Variants in ATP6V0D1 observed in about 807,000 individuals in gnomAD.
ATP6V0D1 encodes ATPase H+ transporting V0 subunit d1.
In ATP6V0D1, 13 loss-of-function variants were observed where a neutral mutation model predicts 39.0. The observed-to-expected ratio is 0.33, with a 90% CI of 0.22 to 0.53. ATP6V0D1 has a LOEUF of 0.53. Among genes scored for constraint, ATP6V0D1 ranks in the 20% least tolerant of loss-of-function variants. The pLI is 0.94. For synonymous variants in ATP6V0D1, 191 were observed against 191.2 expected, an observed-to-expected ratio of 1.00 and a Z score of 0.01; for missense variants, 272 against 470.9, an observed-to-expected ratio of 0.58 and a Z score of 3.91.
At chr16:67,442,871 C>T (rs2041069488) in intron 4 of ATP6V0D1, among the ~76,000 whole-genome samples, 1 of 152,190 alleles carries the variant, frequency 6.6e-6, no homozygotes, top group African/African-American at 2.4e-5. Context: ...GCACCAGCCA[C>T]TCCTGCTGAT....
intron 1 of ATP6V0D1, among the ~76,000 whole-genome samples, chr16:67,467,781 C>G (rs1026361642): frequency 2.0e-5 from 3 of 152,204 alleles, no homozygotes; most frequent in Non-Finnish European, 4.4e-5. Context: ...GACTTAGAGA[C>G]AGTCATATCA....
At chr16:67,452,076 G>T (rs2041186749) in intron 2 of ATP6V0D1, among the ~76,000 whole-genome samples, 1 of 152,276 alleles carries the variant, frequency 6.6e-6, no homozygotes, top group Admixed American at 6.5e-5. Context: ...TAAATGTACT[G>T]CTTCCTGGTA....
chr16:67,442,262 C>T (rs965953767), intron 4 of ATP6V0D1, among the ~76,000 whole-genome samples: 6 of 152,364 alleles, frequency 3.9e-5, no homozygotes, highest in African/African-American at 1.4e-4. Context: ...AGAGGACTCT[C>T]ACCCAATAGA....
Position 67,438,433 on chromosome 16 carries a change from G to A in ATP6V0D1, c.*95C>T. ...CCCCGGACAGGCAGGTGAGCCACAG[G>A]CTTGTCACAGACCACATACACACAC... On this transcript the variant is annotated 3_prime_UTR_variant, in exon 8 of 8. Coordinates refer to ENST00000290949, the MANE Select transcript of ATP6V0D1 (RefSeq NM_004691.5). The A allele has an allele frequency of 1.4e-6, 2 of 1,457,730 alleles. No homozygotes were observed. Among genetic ancestry groups the A allele is most frequent in the Non-Finnish European group, 1.9e-6 (2 of 1,076,434 alleles). The allele number at this position is 1,457,730 out of a possible 1,614,324, so 90.3% of individuals were successfully genotyped here. A position where few individuals can be genotyped will look rare whatever the true frequency, so the allele number is the denominator to read the frequency against.
At chr16:67,461,093 T>C (rs924676925) in intron 1 of ATP6V0D1, among the ~76,000 whole-genome samples, 2 of 152,226 alleles carry the variant, frequency 1.3e-5, no homozygotes, top group Non-Finnish European at 2.9e-5. Flanking sequence ...CCATTTCTCC[T>C]GGCAGACACC....
At chr16:67,458,413 G>A (rs1009478649) in intron 1 of ATP6V0D1, among the ~76,000 whole-genome samples, 22 of 152,212 alleles carry the variant, frequency 1.4e-4, no homozygotes, top group African/African-American at 5.3e-4. Flanking sequence ...AAGGACGGCA[G>A]GGGCTCTGGG....
chr16:67,468,534 G>C (rs1482316614), intron 1 of ATP6V0D1, among the ~76,000 whole-genome samples: 1 of 150,834 alleles, frequency 6.6e-6, no homozygotes, highest in African/African-American at 2.4e-5. Context: ...GCTGCGGTGA[G>C]TTGTGTTTGG....
chr16:67,439,267 C>T lies in ATP6V0D1; in HGVS notation c.639+7G>A, dbSNP rs759043388. ...ACCAGCAGGCAGGAGGGCGGGCAGG[C>T]ACTCACCTCCAGGATGGGGCACATG... On this transcript the variant is annotated splice_region_variant and intron_variant, in intron 5 of 7. Transcript: ENST00000290949. 2 of 1,614,012 alleles carry T rather than the reference C, an allele frequency of 1.2e-6. No individual in the cohort carries two copies. The highest frequency in any genetic ancestry group is 3.3e-5 in the Admixed American group (2 of 60,012).
rs536624557 is a variant in ATP6V0D1, at chr16:67,466,326, TACACACACACACAC to T, written c.131-12625_131-12612del. On this transcript the variant is annotated intron_variant, in intron 1 of 7. Transcript: ENST00000290949. ...AGAAACCCTGTATCTAGTAAACACA[TACACACACACACAC>T]ACACACACACACACACACACACACA... is the stretch of plus-strand genomic sequence containing the variant. Among the ~76,000 whole-genome samples the T allele has an allele frequency of 9.7e-3, 1,165 of 120,568 alleles. 9 individuals are homozygous for T. The highest frequency in any genetic ancestry group is 0.036 in the South Asian group (126 of 3,522). 79.1% of individuals were successfully genotyped at this position (120,568 alleles called of 152,430 possible). A position where few individuals can be genotyped will look rare whatever the true frequency, so the allele number is the denominator to read the frequency against.
At chr16:67,445,663 A>T (rs1169604870) in intron 2 of ATP6V0D1, 2 of 295,592 alleles carry the variant, frequency 6.8e-6, no homozygotes, top group Admixed American at 8.2e-5. Context: ...TCTGCCCTGC[A>T]GAAGGCCAGC....
chr16:67,474,891 T>G (rs1254591935), intron 1 of ATP6V0D1, among the ~76,000 whole-genome samples: 1 of 152,226 alleles, frequency 6.6e-6, no homozygotes, highest in Non-Finnish European at 1.5e-5. Flanking sequence ...CACAGTTGCC[T>G]AAGCCAAGAT....
intron 1 of ATP6V0D1, among the ~76,000 whole-genome samples, chr16:67,464,796 G>T (rs914147686): frequency 3.9e-5 from 6 of 152,260 alleles, no homozygotes; most frequent in African/African-American, 1.2e-4. Context: ...GTGGGGCAAG[G>T]TCTGGGCAAG....
At chr16:67,443,355 T>G in intron 3 of ATP6V0D1, 177 bp from the exon 4 acceptor site, 1 of 594,140 alleles carries the variant, frequency 1.7e-6, no homozygotes, top group Non-Finnish European at 3.0e-6. Flanking sequence ...CTGGGCCATG[T>G]ACACTGACCT....
intron 1 of ATP6V0D1, among the ~76,000 whole-genome samples, chr16:67,476,196 T>G (rs2041413151): frequency 6.8e-6 from 1 of 147,640 alleles, no homozygotes; most frequent in African/African-American, 2.6e-5. Context: ...CACTCCAGCC[T>G]GGGCAAGAAA....
rs901128480 is a variant in ATP6V0D1 at position 67,456,200 on chromosome 16, T to C, written c.131-2485A>G. The C allele has an allele frequency of 2.0e-5, 3 of 152,106 alleles. No individual in the cohort carries two copies. Among genetic ancestry groups the C allele is most frequent in the African/African-American group, 7.2e-5 (3 of 41,400 alleles). 9.4% of individuals were successfully genotyped at this position (152,106 alleles called of 1,614,324 possible). ...TTTTAGTAGAGACGGGGTTTCACTA[T>C]GTTGGCCAGGCTGGTCTCGAACTCC... On this transcript the variant is annotated intron_variant, in intron 1 of 7. Transcript: ENST00000290949. This position sits in a 1 kb window ranked among gnomAD's most constrained non-coding sequence, Gnocchi z 4.1.
At chr16:67,466,320 AACACATACACACACACAC>A (rs2041328988) in intron 1 of ATP6V0D1, among the ~76,000 whole-genome samples, 2 of 116,256 alleles carry the variant, frequency 1.7e-5, no homozygotes, top group African/African-American at 7.1e-5. Flanking sequence ...GTATCTAGTA[AACACATACACACACACAC>A]ACACACACAC....
chr16:67,462,012 A>T (rs574503553), intron 1 of ATP6V0D1, among the ~76,000 whole-genome samples: 1 of 152,182 alleles, frequency 6.6e-6, no homozygotes, highest in Non-Finnish European at 1.5e-5. Context: ...CTCGTTTGAC[A>T]GTCAGGAGGG....
rs1241823344 is a variant in ATP6V0D1 at position 67,453,036 on chromosome 16, C to T, written c.302+508G>A. Among the ~76,000 whole-genome samples, 1 of 152,202 alleles carries T rather than the reference C, an allele frequency of 6.6e-6. No homozygotes were observed. The highest frequency in any genetic ancestry group is 6.5e-5 in the Admixed American group (1 of 15,270). On this transcript the variant is annotated intron_variant, in intron 2 of 7. Transcript: ENST00000290949. The surrounding 1 kb of genome is among the most constrained non-coding windows in gnomAD (Gnocchi z 4.1). Reference sequence around the variant, plus strand: ...CTACTCCGAACCAATCTCCCTGAGACCCAGGGCCATGGTCAGAGCAGATAG... The same window carrying T: ...CTACTCCGAACCAATCTCCCTGAGATCCAGGGCCATGGTCAGAGCAGATAG...
At chr16:67,448,643 G>C (rs2041143832) in intron 2 of ATP6V0D1, among the ~76,000 whole-genome samples, 2 of 145,196 alleles carry the variant, frequency 1.4e-5, no homozygotes, top group South Asian at 4.4e-4. Flanking sequence ...CTGTGCGACA[G>C]AGTGAGACTC....
Sources: allele counts gnomAD v4.1 joint callset (sites outside exome capture counted in the v4.1 genomes callset), GRCh38; gene constraint gnomAD v4.1.1; non-coding constraint Gnocchi (gnomAD v3.1); transcripts MANE v1.5; gene names NCBI Gene and HGNC (gene_info 2026-07-23, HGNC 2026-07-21).